VAT1L: variants seen among roughly 807,000 people sequenced by gnomAD.
VAT1L encodes putative NADPH-dependent quinone oxidoreductase VAT1L.
Under a neutral mutation model 44.1 loss-of-function variants are expected in VAT1L, and 34 were observed. The observed-to-expected ratio is 0.77, with a 90% CI of 0.59 to 1.03. The LOEUF (loss-of-function observed/expected upper bound fraction) is 1.03. Ranked by LOEUF, VAT1L falls within the 50% of genes least tolerant of loss-of-function variation. The probability of loss-of-function intolerance (pLI) is 0.00; values close to 1 mark genes in which losing one functional copy is unlikely to be tolerated. For synonymous variants in VAT1L, 253 were observed against 202.2 expected, an observed-to-expected ratio of 1.25 and a Z score of -2.13; for missense variants, 615 against 538.8, an observed-to-expected ratio of 1.14 and a Z score of -1.40.
chr16:77,867,619 G>T (rs549128509), intron 4 of VAT1L, among the ~76,000 whole-genome samples: 6 of 152,078 alleles, frequency 3.9e-5, no homozygotes, highest in Non-Finnish European at 7.3e-5. Flanking sequence ...GGACTTTAGG[G>T]AGGCCGAGGC....
At chr16:77,972,301 G>T (rs898182341) in intron 8 of VAT1L, among the ~76,000 whole-genome samples, 1 of 152,100 alleles carries the variant, frequency 6.6e-6, no homozygotes, top group African/African-American at 2.4e-5. Context: ...GATGCTCCCT[G>T]ATGGTTCCAC....
intron 7 of VAT1L, among the ~76,000 whole-genome samples, chr16:77,893,242 T>C (rs546375375): frequency 6.6e-5 from 10 of 152,024 alleles, no homozygotes; most frequent in African/African-American, 2.4e-4. Flanking sequence ...TTTGGGGGCA[T>C]GAATATAGGT....
At chr16:77,873,633 A>G (rs2017056022) in intron 4 of VAT1L, among the ~76,000 whole-genome samples, 1 of 152,214 alleles carries the variant, frequency 6.6e-6, no homozygotes, top group African/African-American at 2.4e-5. Flanking sequence ...AAGTCAATAA[A>G]TAAATAATTA....
At chr16:77,946,997 T>C (rs34412589) in intron 7 of VAT1L, among the ~76,000 whole-genome samples, 20,532 of 152,160 alleles carry the variant, frequency 0.13, 1,444 homozygotes, top group Middle Eastern at 0.22. Context: ...CCTGTTTTTA[T>C]CTCGTTACCA....
intron 7 of VAT1L, among the ~76,000 whole-genome samples, chr16:77,923,219 G>C (rs767296850): frequency 6.6e-6 from 1 of 152,206 alleles, no homozygotes; most frequent in East Asian, 1.9e-4. Context: ...GAGAGGCCAA[G>C]GTGGGTGGAT....
intron 7 of VAT1L, among the ~76,000 whole-genome samples, chr16:77,969,481 A>T (rs1423107895): frequency 6.6e-6 from 1 of 151,786 alleles, no homozygotes; most frequent in Non-Finnish European, 1.5e-5. Flanking sequence ...CTCCTCATTG[A>T]CTGTCGGCTG....
chr16:77,905,284 A>G (rs2017426575), intron 7 of VAT1L, among the ~76,000 whole-genome samples: 1 of 152,336 alleles, frequency 6.6e-6, no homozygotes, highest in Non-Finnish European at 1.5e-5. Context: ...TTTTCTTCAA[A>G]GAAGAAAAGA....
At chr16:77,823,622 A>G (rs893692314) in intron 2 of VAT1L, among the ~76,000 whole-genome samples, 3 of 152,234 alleles carry the variant, frequency 2.0e-5, no homozygotes, top group African/African-American at 7.2e-5. Context: ...ATAATATCCT[A>G]TTAAGCTTTC....
chr16:77,802,475 TGTG>T (rs2016076110), intron 1 of VAT1L, among the ~76,000 whole-genome samples: 1 of 151,822 alleles, frequency 6.6e-6, no homozygotes, highest in Non-Finnish European at 1.5e-5. Flanking sequence ...ATTAGCCAGG[TGTG>T]GTGGCAGGCG....
At chr16:77,905,372 T>G (rs924544709) in intron 7 of VAT1L, among the ~76,000 whole-genome samples, 1 of 152,148 alleles carries the variant, frequency 6.6e-6, no homozygotes, top group Non-Finnish European at 1.5e-5. Context: ...TGACCTCTTC[T>G]GTTTGCCGAG....
intron 7 of VAT1L, among the ~76,000 whole-genome samples, chr16:77,960,114 A>C (rs1190531508): frequency 6.6e-6 from 1 of 152,006 alleles, no homozygotes; most frequent in Non-Finnish European, 1.5e-5. Context: ...TCATAACACC[A>C]TCTTACCAAG....
At chr16:77,957,185 G>C (rs192293686) in intron 7 of VAT1L, among the ~76,000 whole-genome samples, 5 of 152,212 alleles carry the variant, frequency 3.3e-5, no homozygotes, top group Non-Finnish European at 5.9e-5. Flanking sequence ...GGTTTTGAAG[G>C]GTCTTTGGAA....
intron 5 of VAT1L, 121 bp downstream of exon 5, chr16:77,876,594 T>C (rs1189963318): frequency 2.6e-6 from 2 of 767,772 alleles, no homozygotes; most frequent in African/African-American, 1.8e-5. Context: ...GGGTGTTTCA[T>C]TTTTTAATGT....
At chr16:77,847,804 T>C (rs141035215) in intron 3 of VAT1L, among the ~76,000 whole-genome samples, 1 of 152,350 alleles carries the variant, frequency 6.6e-6, no homozygotes, top group Non-Finnish European at 1.5e-5. Flanking sequence ...AATGTAATCT[T>C]GCCTGCATTT....
At chr16:77,881,712 C>A (rs1304966649) in intron 6 of VAT1L, among the ~76,000 whole-genome samples, 1 of 152,220 alleles carries the variant, frequency 6.6e-6, no homozygotes, top group Non-Finnish European at 1.5e-5. Flanking sequence ...CAAGGATCAT[C>A]CTAACTACAG....
At chr16:77,935,257 T>C (rs2017779669) in intron 7 of VAT1L, among the ~76,000 whole-genome samples, 1 of 152,154 alleles carries the variant, frequency 6.6e-6, no homozygotes, top group Non-Finnish European at 1.5e-5. Context: ...TGATACAGTT[T>C]TAAAGTGATA....
At chr16:77,881,012 G>C (rs1023000401) in intron 6 of VAT1L, among the ~76,000 whole-genome samples, 10 of 152,134 alleles carry the variant, frequency 6.6e-5, no homozygotes, top group Non-Finnish European at 1.0e-4. Flanking sequence ...TGGGCACCTA[G>C]GTTGATTCCA....
At chr16:77,793,137 G>C (rs1014826320) in intron 1 of VAT1L, among the ~76,000 whole-genome samples, 2 of 152,036 alleles carry the variant, frequency 1.3e-5, no homozygotes, top group Admixed American at 6.6e-5. Flanking sequence ...TTTGAGACAG[G>C]GTCTTGCTCT....
chr16:77,922,351 C>G (rs999741088), intron 7 of VAT1L, among the ~76,000 whole-genome samples: 1 of 152,068 alleles, frequency 6.6e-6, no homozygotes, highest in African/African-American at 2.4e-5. Context: ...ATTACCAAGG[C>G]CAGTTCCATC....
Sources: gnomAD v4.1 joint callset for allele counts (sites outside exome capture counted in the v4.1 genomes callset) on GRCh38, gnomAD v4.1.1 for gene constraint, MANE v1.5 for transcripts, NCBI Gene and HGNC (gene_info 2026-07-23, HGNC 2026-07-21) for gene names.